The following KDM4C variants were observed in gnomAD, a reference collection of about 807,000 sequenced individuals.
KDM4C encodes lysine-specific demethylase 4C.
Under a neutral mutation model 129.3 loss-of-function variants are expected in KDM4C, and 81 were observed. That is an observed-to-expected ratio of 0.63 (90% CI 0.52 to 0.75). The LOEUF is 0.75. Ranked by LOEUF, KDM4C falls within the 30% of genes least tolerant of loss-of-function variation. The pLI, the probability that KDM4C is intolerant of heterozygous loss-of-function variation, is 0.00. For missense variants in KDM4C, 1,457 were observed against 1,304.0 expected, an observed-to-expected ratio of 1.12 and a Z score of -1.81; for synonymous variants, 573 against 456.1, an observed-to-expected ratio of 1.26 and a Z score of -3.26.
At chr9:6,996,927 G>C (rs1475062934) in intron 12 of KDM4C, among the ~76,000 whole-genome samples, 1 of 152,030 alleles carries the variant, frequency 6.6e-6, no homozygotes, top group Non-Finnish European at 1.5e-5. Context: ...TAATACCCTA[G>C]GTATAAAACA....
intron 17 of KDM4C, among the ~76,000 whole-genome samples, chr9:7,098,663 C>T (rs1183684129): frequency 6.6e-6 from 1 of 152,128 alleles, no homozygotes; most frequent in African/African-American, 2.4e-5. Flanking sequence ...CATTTCCTTC[C>T]CTCCCCAGCC....
At chr9:6,880,215 A>C (rs1456839393) in intron 6 of KDM4C, among the ~76,000 whole-genome samples, 154 bp downstream of exon 6, 1 of 151,860 alleles carries the variant, frequency 6.6e-6, no homozygotes, top group Non-Finnish European at 1.5e-5. Flanking sequence ...TTTTAATTGA[A>C]CAATTTTAAA....
At chr9:6,880,196 T>C in intron 6 of KDM4C, 135 bp downstream of exon 6, 1 of 466,254 alleles carries the variant, frequency 2.1e-6, no homozygotes, top group Non-Finnish European at 3.8e-6. Context: ...TATTGACTTT[T>C]ACATGTTTTT....
intron 15 of KDM4C, among the ~76,000 whole-genome samples, chr9:7,019,418 T>A (rs1824254629): frequency 6.6e-6 from 1 of 150,644 alleles, no homozygotes; most frequent in Non-Finnish European, 1.5e-5. Flanking sequence ...TGGCTTGTAG[T>A]TCACTAACTC....
At chr9:6,848,498 TCTCTA>T (rs1206455853) in intron 4 of KDM4C, among the ~76,000 whole-genome samples, 1 of 151,982 alleles carries the variant, frequency 6.6e-6, no homozygotes, top group Non-Finnish European at 1.5e-5. Context: ...GAAACTCCTG[TCTCTA>T]CTCAAAATAC....
chr9:6,728,908 T>TG (rs1326346762), intron 1 of KDM4C, among the ~76,000 whole-genome samples: 1 of 149,856 alleles, frequency 6.7e-6, no homozygotes, highest in Non-Finnish European at 1.5e-5. Context: ...AAAAATTGTA[T>TG]GAAAAAAAGG....
At chr9:7,129,273 G>A (rs1587785643) in intron 19 of KDM4C, among the ~76,000 whole-genome samples, 1 of 152,170 alleles carries the variant, frequency 6.6e-6, no homozygotes, top group East Asian at 1.9e-4. Flanking sequence ...TGGTCTCCAG[G>A]TGTTGAAGAA....
chr9:6,867,484 TG>T (rs1842223985), intron 5 of KDM4C, among the ~76,000 whole-genome samples: 2 of 152,210 alleles, frequency 1.3e-5, no homozygotes, highest in Admixed American at 1.3e-4. Context: ...GATTATTTTT[TG>T]TTGGGAAAAG....
chr9:6,889,046 C>G (rs1845711301), intron 7 of KDM4C, among the ~76,000 whole-genome samples: 1 of 31,402 alleles, frequency 3.2e-5, no homozygotes, highest in African/African-American at 2.4e-4. Context: ...CCTCGGCCTC[C>G]CAAAGTGCTG....
rs575350990 is a variant in KDM4C, at chr9:6,744,394, G to A, written c.49+23397G>A. Among the ~76,000 whole-genome samples, 97 of 152,082 alleles carry A rather than the reference G, an allele frequency of 6.4e-4. 1 individual carries two copies. Among genetic ancestry groups the A allele is most frequent in the South Asian group, 1.0e-3 (5 of 4,820 alleles). ...ACAAGAATTAGCTGGGCATGGTGGCGTGCGCCTGTAATCCCAGCTACTCAA... is the reference window on the plus strand; with the variant it reads ...ACAAGAATTAGCTGGGCATGGTGGCATGCGCCTGTAATCCCAGCTACTCAA... On this transcript the variant is annotated intron_variant, in intron 1 of 17. Coordinates refer to the KDM4C transcript ENST00000536108.
At position 6,732,192 on chromosome 9, in the gene KDM4C, C is replaced by T. The variant is rs532225746; in HGVS notation, c.49+11195C>T. 1.7e-4 allele frequency among the ~76,000 whole-genome samples: 26 copies of T among 151,074 alleles called. No individual in the cohort carries two copies. The South Asian group carries it at 3.8e-3, about 22-fold the overall frequency. On this transcript the variant is annotated intron_variant, in intron 1 of 17. Transcript: ENST00000536108. ...CCATCCTGGCTAACACAGTGAAACC[C>T]CATCTTTACTAAAAATACAAAAATT...
chr9:7,057,396 C>T (rs986775105), intron 17 of KDM4C, among the ~76,000 whole-genome samples: 3 of 152,190 alleles, frequency 2.0e-5, no homozygotes, highest in Admixed American at 2.0e-4. Flanking sequence ...TGCTTTAGAT[C>T]ACATAATTAT....
At chr9:6,770,402 A>G (rs1475455675) in intron 1 of KDM4C, among the ~76,000 whole-genome samples, 1 of 152,104 alleles carries the variant, frequency 6.6e-6, no homozygotes, top group East Asian at 1.9e-4. Flanking sequence ...ATGGTTTCCT[A>G]TTTCATTTTG....
intron 19 of KDM4C, among the ~76,000 whole-genome samples, chr9:7,134,251 C>G (rs1466430807): frequency 1.3e-5 from 2 of 152,166 alleles, no homozygotes; most frequent in Admixed American, 6.5e-5. Flanking sequence ...AGATGAAAGG[C>G]TTCACCAAAT....
chr9:6,861,140 C>T (rs569980385), intron 5 of KDM4C, among the ~76,000 whole-genome samples: 8 of 152,280 alleles, frequency 5.3e-5, no homozygotes, highest in Admixed American at 1.3e-4. Context: ...ACTACTTGAA[C>T]CAACATTGGT....
In KDM4C at chr9:7,103,748, G is replaced by A. The variant is rs370623028; in HGVS notation, c.2488G>A (p.Gly830Ser). 36 of 1,613,868 alleles carry A rather than the reference G, an allele frequency of 2.2e-5. No individual in the cohort carries two copies. Among genetic ancestry groups the A allele is most frequent in the East Asian group, 8.9e-5 (4 of 44,872 alleles). The change falls in exon 18 of 22, where the codon GGT becomes AGT. Residue 830 changes from glycine (G) to serine (S), a missense_variant. By Grantham distance (56) the Gly-to-Ser change is moderately conservative. Transcript: ENST00000381309. ...VSGACIQCSY[G>S]RCPASFHVTC... is the part of the protein sequence containing the mutation. Reference sequence around the variant, plus strand: ...TGGAGCCTGCATCCAGTGTTCCTACGGTCGCTGCCCGGCCTCCTTCCATGT... The same window carrying A: ...TGGAGCCTGCATCCAGTGTTCCTACAGTCGCTGCCCGGCCTCCTTCCATGT...
At chr9:7,062,268 ACTTTTGG>A (rs1294110822) in intron 17 of KDM4C, among the ~76,000 whole-genome samples, 2 of 151,172 alleles carry the variant, frequency 1.3e-5, no homozygotes, top group South Asian at 2.1e-4. Context: ...GTGCCCGGCC[ACTTTTGG>A]CTTTTTTATT....
intron 19 of KDM4C, among the ~76,000 whole-genome samples, chr9:7,155,507 A>T (rs1057469342): frequency 2.6e-5 from 4 of 151,974 alleles, no homozygotes; most frequent in African/African-American, 9.6e-5. Flanking sequence ...TCCCTCCCGC[A>T]TCCCCCCACC....
At chr9:6,741,826 C>G (rs1262236157) in intron 1 of KDM4C, among the ~76,000 whole-genome samples, 1 of 151,326 alleles carries the variant, frequency 6.6e-6, no homozygotes, top group Non-Finnish European at 1.5e-5. Context: ...CCTTGGTCTC[C>G]CAAAGTGCTG....
Sources: gnomAD v4.1 joint callset for allele counts (sites outside exome capture counted in the v4.1 genomes callset) on GRCh38, gnomAD v4.1.1 for gene constraint, MANE v1.5 for transcripts, NCBI Gene and HGNC (gene_info 2026-07-23, HGNC 2026-07-21) for gene names.